The following XIAP variants were observed in gnomAD, a reference collection of about 807,000 sequenced individuals.
XIAP encodes X-linked inhibitor of apoptosis, also known as E3 ubiquitin-protein ligase XIAP.
XIAP carries 3 observed loss-of-function variants against 33.1 expected under a neutral mutation model. That is an observed-to-expected ratio of 0.09 (90% CI 0.04 to 0.23). The LOEUF is 0.23. XIAP is among the 10% of genes least tolerant of loss of function. The pLI, the probability that XIAP is intolerant of heterozygous loss-of-function variation, is 1.00. For missense variants in XIAP, 264 were observed against 363.0 expected, an observed-to-expected ratio of 0.73 and a Z score of 2.22; for synonymous variants, 98 against 121.3, an observed-to-expected ratio of 0.81 and a Z score of 1.26.
At chrX:123,894,956 G>GTAAGTAAGTAAATAAATAAA (rs762956643) in intron 5 of XIAP, among the ~76,000 whole-genome samples, 2 of 105,718 alleles carry the variant, frequency 1.9e-5, no homozygotes, top group Non-Finnish European at 3.9e-5. Context: ...ACATAAATAA[G>GTAAGTAAGTAAATAAATAAA]TAAATAAATA....
At chrX:123,889,468 A>G (rs746704754) in intron 3 of XIAP, among the ~76,000 whole-genome samples, 5 of 109,369 alleles carry the variant, frequency 4.6e-5, no homozygotes, top group Non-Finnish European at 7.6e-5. Flanking sequence ...GGCCTCCCAA[A>G]GTGTTGGCAT....
intron 6 of XIAP, among the ~76,000 whole-genome samples, chrX:123,905,875 C>T (rs1251031507): frequency 8.9e-6 from 1 of 112,268 alleles, no homozygotes; most frequent in Non-Finnish European, 1.9e-5. Context: ...GACAGTGGTT[C>T]TCAAACGCCA....
intron 1 of XIAP, among the ~76,000 whole-genome samples, chrX:123,865,912 A>G (rs1602527490): frequency 9.5e-6 from 1 of 105,711 alleles, no homozygotes; most frequent in African/African-American, 3.4e-5. Context: ...GTGCTACCAC[A>G]CCTGGCTAAT....
chrX:123,891,814 C>T (rs1205075555), intron 4 of XIAP, among the ~76,000 whole-genome samples: 2 of 81,782 alleles, frequency 2.4e-5, no homozygotes, highest in African/African-American at 5.2e-5. Context: ...AAAGGGAAAC[C>T]CTATCTCTTA....
Position 123,880,187 on chromosome X carries a change from C to T in XIAP, c.-32-5444C>T, listed in dbSNP as rs775601136. Among the ~76,000 whole-genome samples the T allele has an allele frequency of 4.2e-3, 451 of 107,867 alleles. 2 individuals are homozygous for T. Among genetic ancestry groups the T allele is most frequent in the African/African-American group, 0.014 (417 of 29,612 alleles). The allele number at this position is 107,867 out of a possible 115,157, so 93.7% of individuals were successfully genotyped here. ...CAGCACTTTGGGAGGCCGAGGCGGG[C>T]GGATCACCTGAGGTCAGGAGTTCAA... On this transcript the variant is annotated intron_variant, in intron 1 of 6. Coordinates refer to ENST00000371199, the MANE Select transcript of XIAP (RefSeq NM_001167.4).
intron 1 of XIAP, among the ~76,000 whole-genome samples, chrX:123,864,635 AGTGTGT>A (rs748255094): frequency 0.042 from 3,530 of 84,577 alleles, 101 homozygotes; most frequent in Non-Finnish European, 0.06. Context: ...CCCGGCTTAG[AGTGTGT>A]GTGTGTGTGT....
intron 1 of XIAP, among the ~76,000 whole-genome samples, chrX:123,880,039 G>A (rs1181139740): frequency 3.6e-5 from 4 of 110,518 alleles, no homozygotes; most frequent in East Asian, 2.9e-4. Flanking sequence ...CCTTGAACCC[G>A]GGAGGCGGAG....
intron 1 of XIAP, among the ~76,000 whole-genome samples, chrX:123,878,066 A>G (rs943659318): frequency 8.9e-6 from 1 of 112,026 alleles, no homozygotes; most frequent in African/African-American, 3.2e-5. Flanking sequence ...TCAAACAGAA[A>G]TGACTTAGTC....
intron 1 of XIAP, among the ~76,000 whole-genome samples, chrX:123,872,172 T>C (rs756511196): frequency 6.0e-4 from 67 of 111,191 alleles, no homozygotes; most frequent in African/African-American, 2.1e-3. Flanking sequence ...AAAATTATTT[T>C]AGGGAAGTTT....
chrX:123,899,892 G>T (rs1222400198), intron 5 of XIAP, among the ~76,000 whole-genome samples: 1 of 110,997 alleles, frequency 9.0e-6, no homozygotes, highest in Non-Finnish European at 1.9e-5. Flanking sequence ...TAATACCCAA[G>T]AGTGGAATTG....
At chrX:123,888,011 TA>T (rs1347055050) in intron 2 of XIAP, among the ~76,000 whole-genome samples, 10 of 72,399 alleles carry the variant, frequency 1.4e-4, no homozygotes, top group East Asian at 5.9e-4. Flanking sequence ...AATTAATAAA[TA>T]AATAAATAAA....
chrX:123,903,832 A>G (rs1053125704), intron 6 of XIAP, among the ~76,000 whole-genome samples: 1 of 108,477 alleles, frequency 9.2e-6, no homozygotes, highest in Non-Finnish European at 1.9e-5. Context: ...ACACGCCTGT[A>G]GTTCCAGCTG....
chrX:123,880,526 C>G (rs191329843), intron 1 of XIAP, among the ~76,000 whole-genome samples: 94 of 108,560 alleles, frequency 8.7e-4, no homozygotes, highest in South Asian at 1.6e-3. Flanking sequence ...CACCTGAGAT[C>G]AGCAGTTCAA....
chrX:123,883,496 CTTTT>C (rs137863947), intron 1 of XIAP, among the ~76,000 whole-genome samples: 3 of 64,329 alleles, frequency 4.7e-5, no homozygotes, highest in Admixed American at 1.9e-4. Flanking sequence ...CTTTTCTTTT[CTTTT>C]TTTTTTTTTT....
chrX:123,907,557 A>T lies in XIAP; in HGVS notation c.*376A>T. On this transcript the variant is annotated 3_prime_UTR_variant, in exon 7 of 7. Transcript: ENST00000371199. ...AACAAATGGAGCTTTCTGTATATAA[A>T]TGTGGAGATTAGAGTTAATCTCCCC... is the stretch of plus-strand genomic sequence containing the variant. 2 of 381,694 alleles carry T rather than the reference A, an allele frequency of 5.2e-6. No individual in the cohort carries two copies. The highest frequency in any genetic ancestry group is 9.8e-6 in the Non-Finnish European group (2 of 204,350). The allele number at this position is 381,694 out of a possible 1,213,427, so 31.5% of individuals were successfully genotyped here.
rs1404218392 is a variant in XIAP, at chrX:123,899,760, C to T, written c.1100-733C>T. On this transcript the variant is annotated intron_variant, in intron 5 of 6. Transcript: ENST00000371199. Reference sequence around the variant, plus strand: ...TGCTGTGTAGCGTATGAATATACCACAATTTATGTATCTGTTCACCTGATG... The same window carrying T: ...TGCTGTGTAGCGTATGAATATACCATAATTTATGTATCTGTTCACCTGATG... 3.7e-5 allele frequency among the ~76,000 whole-genome samples: 4 copies of T among 107,483 alleles called. No homozygotes were observed. The South Asian group carries it at 1.6e-3, about 43-fold the overall frequency. 93.3% of individuals were successfully genotyped at this position (107,483 alleles called of 115,157 possible).
intron 1 of XIAP, among the ~76,000 whole-genome samples, chrX:123,864,400 G>T (rs1243178265): frequency 9.6e-6 from 1 of 103,820 alleles, no homozygotes; most frequent in Non-Finnish European, 1.9e-5. Context: ...GGCATTCATT[G>T]TAGTATGTGG....
At chrX:123,860,445 C>T in intron 1 of XIAP, 152 bp downstream of exon 1, 1 of 263,082 alleles carries the variant, frequency 3.8e-6, no homozygotes, top group South Asian at 3.4e-5. Context: ...GGCCCGGCCC[C>T]GGCTGCTTGC....
intron 5 of XIAP, among the ~76,000 whole-genome samples, chrX:123,894,434 C>T (rs1469655042): frequency 1.8e-5 from 2 of 112,024 alleles, no homozygotes; most frequent in Non-Finnish European, 3.8e-5. Context: ...CTAGTGATTC[C>T]CCACTTCCTA....
Sources: gnomAD v4.1 joint callset for allele counts (sites outside exome capture counted in the v4.1 genomes callset) on GRCh38, gnomAD v4.1.1 for gene constraint, MANE v1.5 for transcripts, NCBI Gene and HGNC (gene_info 2026-07-23, HGNC 2026-07-21) for gene names.